The following SKAP1 variants were observed in gnomAD, a reference collection of about 807,000 sequenced individuals.
SKAP1 encodes src kinase associated phosphoprotein 1.
Under a neutral mutation model 58.5 loss-of-function variants are expected in SKAP1, and 44 were observed. The observed-to-expected ratio is 0.75, with a 90% CI of 0.59 to 0.97. The LOEUF (loss-of-function observed/expected upper bound fraction) is 0.97. SKAP1 is among the 50% of genes least tolerant of loss of function. The pLI is 0.00. For synonymous variants in SKAP1, 127 were observed against 149.7 expected (o/e 0.85, Z 1.11); for missense variants, 390 against 435.2 (o/e 0.90, Z 0.92).
chr17:48,409,938 T>G (rs55641965), intron 1 of SKAP1, among the ~76,000 whole-genome samples: 12,419 of 152,124 alleles, frequency 0.082, 637 homozygotes, highest in East Asian at 0.2. Flanking sequence ...AACAACGTAA[T>G]CTAACTGTAT....
intron 4 of SKAP1, among the ~76,000 whole-genome samples, chr17:48,247,943 C>A (rs186813133): frequency 6.6e-6 from 1 of 152,168 alleles, no homozygotes; most frequent in Non-Finnish European, 1.5e-5. Flanking sequence ...TCTTTATTGT[C>A]GGTCTCCCCA....
chr17:48,437,523 G>T, the SKAP1 span, among the ~76,000 whole-genome samples: 1 of 152,080 alleles, frequency 6.6e-6, no homozygotes, highest in African/African-American at 2.4e-5. Flanking sequence ...CAGGTGGATT[G>T]TTTGAGGCCA....
intron 11 of SKAP1, among the ~76,000 whole-genome samples, chr17:48,157,679 C>T (rs1461241647): frequency 8.0e-5 from 12 of 149,182 alleles, no homozygotes; most frequent in Admixed American, 2.7e-4. Context: ...CAGGCATGCA[C>T]CAGCATGCCC....
intron 4 of SKAP1, among the ~76,000 whole-genome samples, chr17:48,265,360 C>G (rs530004065): frequency 2.0e-5 from 3 of 152,044 alleles, no homozygotes; most frequent in Non-Finnish European, 4.4e-5. Context: ...AAAAAATTAG[C>G]CCGGCATGGT....
At chr17:48,166,334 A>G (rs911683838) in intron 10 of SKAP1, among the ~76,000 whole-genome samples, 3 of 152,238 alleles carry the variant, frequency 2.0e-5, no homozygotes, top group Non-Finnish European at 4.4e-5. Flanking sequence ...AGCATTTGTC[A>G]TTGCATGCCA....
intron 4 of SKAP1, among the ~76,000 whole-genome samples, chr17:48,331,190 C>T (rs959098243): frequency 2.0e-5 from 3 of 152,042 alleles, no homozygotes; most frequent in African/African-American, 7.2e-5. Context: ...ATTGTTTTAG[C>T]TACTTCTTTT....
intron 1 of SKAP1, among the ~76,000 whole-genome samples, chr17:48,421,113 C>A (rs906571194): frequency 1.3e-5 from 2 of 152,128 alleles, no homozygotes; most frequent in Admixed American, 1.3e-4. Flanking sequence ...GGGAGCAGCT[C>A]TTACCTAGAG....
At chr17:48,221,699 A>G (rs1427625726) in intron 4 of SKAP1, among the ~76,000 whole-genome samples, 1 of 152,252 alleles carries the variant, frequency 6.6e-6, no homozygotes, top group East Asian at 1.9e-4. Flanking sequence ...AAGAAGTTAA[A>G]TAATTGTGGG....
chr17:48,211,808 T>A (rs928770525), intron 4 of SKAP1, among the ~76,000 whole-genome samples: 1 of 152,086 alleles, frequency 6.6e-6, no homozygotes, highest in Non-Finnish European at 1.5e-5. Context: ...TTTCTATCTT[T>A]ATAAAGTATG....
intron 4 of SKAP1, among the ~76,000 whole-genome samples, chr17:48,322,950 G>C (rs2066388710): frequency 6.6e-6 from 1 of 151,924 alleles, no homozygotes. Context: ...ACAAAAATTA[G>C]CCAGGCGTGG....
Position 48,210,654 on chromosome 17 carries a change from TATTACCAAGACTAGAATAAACTACATTA to T in SKAP1, c.281-21182_281-21155del, listed in dbSNP as rs537106379. Reference sequence around the variant, plus strand: ...ATTTTAACAAACTACCCAGGATCATTATTACCAAGACTAGAATAAACTACATTAATCAACCAATAAAAGTTAGGACTTC... The same window carrying T: ...ATTTTAACAAACTACCCAGGATCATTATCAACCAATAAAAGTTAGGACTTC... On this transcript the variant is annotated intron_variant, in intron 4 of 12. Transcript: ENST00000336915. Among the ~76,000 whole-genome samples, 235 of 152,352 alleles carry T rather than the reference TATTACCAAGACTAGAATAAACTACATTA, an allele frequency of 1.5e-3. 2 individuals carry two copies. Among genetic ancestry groups the T allele is most frequent in the African/African-American group, 5.5e-3 (227 of 41,574 alleles).
At chr17:48,167,175 T>C (rs892587829) in intron 10 of SKAP1, among the ~76,000 whole-genome samples, 1 of 152,218 alleles carries the variant, frequency 6.6e-6, no homozygotes, top group Non-Finnish European at 1.5e-5. Flanking sequence ...CTTGATAGTT[T>C]ATTAACTATT....
intron 4 of SKAP1, among the ~76,000 whole-genome samples, chr17:48,255,984 CCTT>C (rs2065418880): frequency 6.6e-6 from 1 of 152,230 alleles, no homozygotes; most frequent in African/African-American, 2.4e-5. Flanking sequence ...ATTGGTTTCT[CCTT>C]CTTCAGTTTA....
chr17:48,218,716 A>G (rs1376824487), intron 4 of SKAP1, among the ~76,000 whole-genome samples: 1 of 152,258 alleles, frequency 6.6e-6, no homozygotes, highest in African/African-American at 2.4e-5. Context: ...TCAAAAGTGT[A>G]GTTTCATCAG....
At chr17:48,394,133 G>A (rs756732652) in intron 2 of SKAP1, among the ~76,000 whole-genome samples, 1 of 151,940 alleles carries the variant, frequency 6.6e-6, no homozygotes, top group Non-Finnish European at 1.5e-5. Flanking sequence ...TGAGGTCGGG[G>A]GATCGCTTGA....
At chr17:48,175,221 C>T (rs2064273697) in intron 9 of SKAP1, among the ~76,000 whole-genome samples, 1 of 152,090 alleles carries the variant, frequency 6.6e-6, no homozygotes, top group Non-Finnish European at 1.5e-5. Context: ...AAAAAAATGA[C>T]TAAATCAGAA....
At chr17:48,154,843 G>A (rs568958100) in intron 11 of SKAP1, among the ~76,000 whole-genome samples, 14 of 152,096 alleles carry the variant, frequency 9.2e-5, no homozygotes, top group African/African-American at 2.7e-4. Flanking sequence ...CAGATCACTC[G>A]AGGCCAGGAG....
chr17:48,415,695 G>T (rs756975768), intron 1 of SKAP1, among the ~76,000 whole-genome samples: 1 of 152,036 alleles, frequency 6.6e-6, no homozygotes, highest in East Asian at 1.9e-4. Context: ...TCCTCCCTAC[G>T]TGGGGCCCCA....
chr17:48,378,163 C>T (rs959158558), intron 2 of SKAP1, among the ~76,000 whole-genome samples: 2 of 152,154 alleles, frequency 1.3e-5, no homozygotes, highest in African/African-American at 2.4e-5. Context: ...TCACCCACAT[C>T]CATGTAACCA....
Sources: gnomAD v4.1 joint callset for allele counts (sites outside exome capture counted in the v4.1 genomes callset) on GRCh38, gnomAD v4.1.1 for gene constraint, MANE v1.5 for transcripts, NCBI Gene and HGNC (gene_info 2026-07-23, HGNC 2026-07-21) for gene names.